YLPM1: variants seen among roughly 807,000 people sequenced by gnomAD.
YLPM1 encodes YLP motif containing 1.
A neutral mutation model predicts 230.0 loss-of-function variants in YLPM1; 99 were observed. The observed-to-expected ratio is 0.43, with a 90% CI of 0.37 to 0.51. YLPM1 has a LOEUF of 0.51. YLPM1 is among the 20% of genes least tolerant of loss of function. YLPM1 has a pLI of 0.00. For synonymous variants in YLPM1, 984 were observed against 942.5 expected, an observed-to-expected ratio of 1.04 and a Z score of -0.81; for missense variants, 2,592 against 2,707.7, an observed-to-expected ratio of 0.96 and a Z score of 0.95.
At chr14:74,775,908 A>T (rs1000250282) in intron 1 of YLPM1, among the ~76,000 whole-genome samples, 2 of 152,226 alleles carry the variant, frequency 1.3e-5, no homozygotes, top group African/African-American at 4.8e-5. Flanking sequence ...CTTCTAGCAG[A>T]TCCTCAGCTG....
At chr14:74,788,993 C>T (rs925660807) in intron 4 of YLPM1, among the ~76,000 whole-genome samples, 4 of 152,106 alleles carry the variant, frequency 2.6e-5, no homozygotes, top group African/African-American at 9.7e-5. Flanking sequence ...TTCCGAATAA[C>T]TATCCAGTTC....
chr14:74,836,167 A>G lies in YLPM1; in HGVS notation c.*429A>G, dbSNP rs991042332. 2.6e-5 allele frequency: 5 copies of G among 194,828 alleles called. No individual in the cohort carries two copies. Among genetic ancestry groups the G allele is most frequent in the African/African-American group, 1.2e-4 (5 of 41,880 alleles). The allele number at this position is 194,828 out of a possible 1,614,324, so 12.1% of individuals were successfully genotyped here. On this transcript the variant is annotated 3_prime_UTR_variant, in exon 21 of 21. Coordinates refer to ENST00000325680, the MANE Select transcript of YLPM1 (RefSeq NM_019589.3). ...ACAATAAACTTTCATGATAAAGCCG[A>G]TGAGATTCATGGGCTATACAGCATG...
chr14:74,835,357 A>C lies in YLPM1; in HGVS notation c.6387A>C (p.Thr2129=). 6.2e-7 allele frequency: 1 copy of C among 1,613,816 alleles called. No homozygotes were observed. Among genetic ancestry groups the C allele is most frequent in the Non-Finnish European group, 8.5e-7 (1 of 1,179,744 alleles). Residue 2129 remains threonine (T), a synonymous_variant, in exon 20 of 21, where the codon ACA becomes ACC. Transcript: ENST00000325680. The stretch of plus-strand genomic sequence containing the variant: ...GACAGACTGATTGGGAGAAGATCAC[A>C]GATGAAAGTGGTCACCTGGCTGAAA... ...VVGQTDWEKI[T]DESGHLAEKA... is the part of the protein sequence containing the mutation.
At chr14:74,829,471 A>T (rs768443121) in intron 19 of YLPM1, 128 bp downstream of exon 19, 1 of 1,319,652 alleles carries the variant, frequency 7.6e-7, no homozygotes, top group African/African-American at 1.5e-5. Context: ...TATGTCATGT[A>T]TCCCAAGAAG....
intron 18 of YLPM1, among the ~76,000 whole-genome samples, chr14:74,826,136 T>A (rs1368850225): frequency 6.6e-6 from 1 of 152,162 alleles, no homozygotes; most frequent in Non-Finnish European, 1.5e-5. Flanking sequence ...GTCGGGTTTT[T>A]ATTTTTTAAC....
chr14:74,811,504 T>C, intron 9 of YLPM1, 116 bp from the exon 10 acceptor site: 1 of 674,286 alleles, frequency 1.5e-6, no homozygotes, highest in Non-Finnish European at 2.5e-6. Context: ...AGTAAACATT[T>C]ACTGTGTGGA....
intron 19 of YLPM1, 37 bp downstream of exon 19, chr14:74,829,380 G>A (rs773505144): frequency 1.2e-6 from 2 of 1,609,210 alleles, no homozygotes; most frequent in South Asian, 2.2e-5. Flanking sequence ...ACAAATGAAG[G>A]GCCCATTTAG....
rs763263507 is a variant in YLPM1 at position 74,764,404 on chromosome 14, G to A, written c.873+42G>A. The A allele has an allele frequency of 4.1e-5, 63 of 1,534,904 alleles. No homozygotes were observed. The East Asian group carries it at 1.4e-3, about 34-fold the overall frequency. On this transcript the variant is annotated intron_variant, in intron 1 of 20. Coordinates refer to ENST00000325680, the MANE Select transcript of YLPM1 (RefSeq NM_019589.3). ...CTGAACCTCATCTTTCACCTAGAGGGCCCTGAATGAGCAGGCCTCAGGGCT... is the reference window on the plus strand; with the variant it reads ...CTGAACCTCATCTTTCACCTAGAGGACCCTGAATGAGCAGGCCTCAGGGCT...
chr14:74,834,043 T>A (rs2091626131), intron 19 of YLPM1, among the ~76,000 whole-genome samples: 1 of 152,150 alleles, frequency 6.6e-6, no homozygotes. Flanking sequence ...CATATACTTT[T>A]AAAAACATAT....
intron 5 of YLPM1, among the ~76,000 whole-genome samples, chr14:74,802,044 G>T (rs760805612): frequency 4.0e-5 from 6 of 151,456 alleles, no homozygotes; most frequent in African/African-American, 1.5e-4. Flanking sequence ...GTGAAACCCC[G>T]TCTCTACTAA....
At position 74,816,952 on chromosome 14, in the gene YLPM1, G is replaced by A. The variant is rs1379677571; in HGVS notation, c.5707G>A (p.Ala1903Thr). The A allele has an allele frequency of 6.3e-7, 1 of 1,584,350 alleles. No individual in the cohort carries two copies. Among genetic ancestry groups the A allele is most frequent in the South Asian group, 1.2e-5 (1 of 85,192 alleles). ...KKKVMEYEYE[A>T]EMEETYRTSM... is the part of the protein sequence containing the mutation. ...TTAGGTAATGGAATATGAATATGAAGCTGAGATGGAGGAGACTTACCGCAC... is the reference window on the plus strand; with the variant it reads ...TTAGGTAATGGAATATGAATATGAAACTGAGATGGAGGAGACTTACCGCAC... Residue 1903 changes from alanine (A) to threonine (T), a missense_variant, in exon 14 of 21, where the codon GCT becomes ACT. By Grantham distance (58) the Ala-to-Thr change is moderately conservative (BLOSUM62 0). Around this residue, in one of 4 missense-constraint regions of YLPM1, gnomAD observed 315 missense variants for 429.3 expected, o/e 0.73. Transcript: ENST00000325680.
chr14:74,787,592 C>T (rs2091162374), intron 4 of YLPM1, among the ~76,000 whole-genome samples: 1 of 150,694 alleles, frequency 6.6e-6, no homozygotes, highest in Non-Finnish European at 1.5e-5. Flanking sequence ...AAAAAAGAAA[C>T]TAAACGCTGC....
At chr14:74,824,219 T>C in intron 17 of YLPM1, 37 bp from the exon 18 acceptor site, 2 of 1,604,782 alleles carry the variant, frequency 1.2e-6, no homozygotes, top group Admixed American at 1.7e-5. Context: ...ATGTGTCTCT[T>C]TCTAACCCTT....
At chr14:74,813,239 A>G (rs1037554387) in intron 11 of YLPM1, among the ~76,000 whole-genome samples, 1 of 152,230 alleles carries the variant, frequency 6.6e-6, no homozygotes, top group Non-Finnish European at 1.5e-5. Context: ...TTTTAATTCC[A>G]TATATACAGA....
intron 1 of YLPM1, among the ~76,000 whole-genome samples, chr14:74,770,161 G>A (rs1314819702): frequency 2.7e-5 from 4 of 149,984 alleles, no homozygotes; most frequent in African/African-American, 4.9e-5. Context: ...CAGCCTGGGC[G>A]ACAGAGTGAG....
At chr14:74,772,556 A>T (rs1444269858) in intron 1 of YLPM1, among the ~76,000 whole-genome samples, 1 of 151,946 alleles carries the variant, frequency 6.6e-6, no homozygotes, top group African/African-American at 2.4e-5. Context: ...ACAGGGTTTC[A>T]CCATGTTGGT....
At chr14:74,822,523 G>A (rs531553937) in intron 17 of YLPM1, among the ~76,000 whole-genome samples, 29 of 152,214 alleles carry the variant, frequency 1.9e-4, no homozygotes, top group Non-Finnish European at 3.7e-4. Flanking sequence ...TTTCCAAGTG[G>A]CCTACAATTT....
intron 19 of YLPM1, among the ~76,000 whole-genome samples, 186 bp downstream of exon 19, chr14:74,829,529 A>G (rs1265500425): frequency 6.6e-6 from 1 of 152,200 alleles, no homozygotes; most frequent in Admixed American, 6.5e-5. Flanking sequence ...AGTAGCTTAA[A>G]AAATTGGAGA....
At chr14:74,801,889 T>C (rs185258928) in intron 5 of YLPM1, among the ~76,000 whole-genome samples, 59 of 152,330 alleles carry the variant, frequency 3.9e-4, no homozygotes, top group Admixed American at 1.5e-3. Context: ...ATTTGGCCCA[T>C]GGGCCACCAT....
Sources: allele counts gnomAD v4.1 joint callset (sites outside exome capture counted in the v4.1 genomes callset), GRCh38; gene constraint gnomAD v4.1.1; regional missense constraint gnomAD v4.1.1; transcripts MANE v1.5; gene names NCBI Gene and HGNC (gene_info 2026-07-23, HGNC 2026-07-21).